NFAM1: variants seen among roughly 807,000 people sequenced by gnomAD.
NFAM1 encodes the protein NFAT activation molecule 1.
Under a neutral mutation model 29.0 loss-of-function variants are expected in NFAM1, and 17 were observed. The observed-to-expected ratio is 0.59, with a 90% confidence interval of 0.40 to 0.88. The LOEUF (loss-of-function observed/expected upper bound fraction) is 0.88, where lower values mean the gene tolerates loss of function less well. NFAM1 is among the 40% of genes least tolerant of loss of function. The pLI, the probability that NFAM1 is intolerant of heterozygous loss-of-function variation, is 0.00. For missense variants in NFAM1, 324 were observed against 344.6 expected, an observed-to-expected ratio of 0.94 and a Z score of 0.47; for synonymous variants, 175 against 147.2, an observed-to-expected ratio of 1.19 and a Z score of -1.36.
chr22:42,414,945 C>G (rs1930206739), intron 1 of NFAM1, among the ~76,000 whole-genome samples: 2 of 152,180 alleles, frequency 1.3e-5, no homozygotes, highest in South Asian at 4.1e-4. Flanking sequence ...CCAGGGAAAT[C>G]TATAAAAACA....
rs556478496 is a variant in NFAM1, at chr22:42,392,759, G to A, written c.663+5099C>T. On this transcript the variant is annotated intron_variant, in intron 4 of 5. Coordinates refer to ENST00000329021, the MANE Select transcript of NFAM1 (RefSeq NM_145912.8). ...TTTGTCTGACCCACCCCGAATTCATGCTTTTAATATGTCAAGTTTTTTCTT... is the reference window on the plus strand; with the variant it reads ...TTTGTCTGACCCACCCCGAATTCATACTTTTAATATGTCAAGTTTTTTCTT... Among the ~76,000 whole-genome samples, 15 of 152,158 alleles carry A rather than the reference G, an allele frequency of 9.9e-5. No homozygotes were observed. In the South Asian group the frequency reaches 2.7e-3, roughly 27 times the overall value.
chr22:42,382,645 C>A lies in NFAM1; in HGVS notation c.*2516G>T, dbSNP rs916107807. The A allele has an allele frequency of 3.3e-5, 5 of 152,710 alleles. No individual in the cohort carries two copies. Among genetic ancestry groups the A allele is most frequent in the African/African-American group, 1.2e-4 (5 of 41,424 alleles). 9.5% of individuals were successfully genotyped at this position (152,710 alleles called of 1,614,324 possible). ...CCTGAAGTTCCCTGCCACCCCTCGC[C>A]CTGTGCCAGCTTGTCTCTGCAGGCT... On this transcript the variant is annotated 3_prime_UTR_variant, in exon 6 of 6. Transcript: ENST00000329021.
chr22:42,395,800 A>G (rs1234645333), intron 4 of NFAM1, among the ~76,000 whole-genome samples: 2 of 149,262 alleles, frequency 1.3e-5, no homozygotes, highest in Non-Finnish European at 3.0e-5. Flanking sequence ...AGAGAATGGC[A>G]TGAACCTGGG....
intron 4 of NFAM1, among the ~76,000 whole-genome samples, chr22:42,391,621 G>A (rs1929345126): frequency 6.6e-6 from 1 of 152,080 alleles, no homozygotes; most frequent in African/African-American, 2.4e-5. Flanking sequence ...ATGAGGAGAC[G>A]TGGGTAAGAG....
intron 4 of NFAM1, 62 bp from the exon 5 acceptor site, chr22:42,387,140 GCA>G: frequency 1.0e-6 from 1 of 978,642 alleles, no homozygotes; most frequent in Non-Finnish European, 1.5e-6. Flanking sequence ...CCTGGCCCCA[GCA>G]GCCAGCCCCC....
intron 4 of NFAM1, 41 bp from the exon 5 acceptor site, chr22:42,387,119 GA>G (rs1403972047): frequency 8.3e-7 from 1 of 1,210,446 alleles, no homozygotes; most frequent in East Asian, 2.6e-5. Flanking sequence ...CAAGTGTGTA[GA>G]GGGGCAGTCC....
At chr22:42,402,831 C>CTTTTTTTTT (rs35045065) in intron 3 of NFAM1, among the ~76,000 whole-genome samples, 2 of 97,122 alleles carry the variant, frequency 2.1e-5, no homozygotes, top group African/African-American at 9.3e-5. Flanking sequence ...TCTGTGCCTT[C>CTTTTTTTTT]TTTTTTTTTT....
chr22:42,391,835 C>T (rs1256825224), intron 4 of NFAM1, among the ~76,000 whole-genome samples: 1 of 151,104 alleles, frequency 6.6e-6, no homozygotes, highest in Non-Finnish European at 1.5e-5. Flanking sequence ...ATCCCAGCTA[C>T]TCAGGAGGCT....
chr22:42,405,543 G>T (rs1000324611), intron 3 of NFAM1, among the ~76,000 whole-genome samples: 1 of 152,222 alleles, frequency 6.6e-6, no homozygotes, highest in Non-Finnish European at 1.5e-5. Context: ...GGCGAGAGTC[G>T]GGGGCGTGCA....
At chr22:42,412,392 C>T (rs932202078) in intron 1 of NFAM1, among the ~76,000 whole-genome samples, 18 of 152,182 alleles carry the variant, frequency 1.2e-4, no homozygotes, top group Admixed American at 1.2e-3. Flanking sequence ...AAAGTGAGAG[C>T]CCCTGTTTTA....
chr22:42,393,036 G>A (rs1275490907), intron 4 of NFAM1, among the ~76,000 whole-genome samples: 1 of 151,972 alleles, frequency 6.6e-6, no homozygotes, highest in Admixed American at 6.6e-5. Flanking sequence ...CTGACCTCAG[G>A]TGACTCACCC....
At chr22:42,408,185 T>C (rs1035449967) in intron 3 of NFAM1, among the ~76,000 whole-genome samples, 23 of 152,152 alleles carry the variant, frequency 1.5e-4, no homozygotes, top group African/African-American at 5.6e-4. Context: ...TGAGCCACCG[T>C]GCTCAGCCTC....
Position 42,409,244 on chromosome 22 carries a change from A to G in NFAM1, c.564+191T>C, listed in dbSNP as rs17003047. Among the ~76,000 whole-genome samples, 4,410 of 152,234 alleles carry G rather than the reference A, an allele frequency of 0.029. 215 individuals are homozygous for G. The highest frequency in any genetic ancestry group is 0.1 in the African/African-American group (4,246 of 41,500). On this transcript the variant is annotated intron_variant, in intron 3 of 5. Transcript: ENST00000329021. This position sits in a 1 kb window ranked among gnomAD's most constrained non-coding sequence, Gnocchi z 4.9. ...GTTTCTTGCAACAAGATCAAAAGGC[A>G]CCCCATGGCAGCACAGGGAGTGGCA...
chr22:42,431,454 G>A (rs974673578), intron 1 of NFAM1, among the ~76,000 whole-genome samples: 16 of 152,132 alleles, frequency 1.1e-4, no homozygotes, highest in Admixed American at 2.0e-4. Flanking sequence ...GCTGCTGCCC[G>A]GCCAAGGAGG....
At chr22:42,397,765 T>C in intron 4 of NFAM1, 93 bp downstream of exon 4, 1 of 755,676 alleles carries the variant, frequency 1.3e-6, no homozygotes, top group Non-Finnish European at 2.4e-6. Flanking sequence ...TCCACACAGC[T>C]GGTACAAGAC....
intron 1 of NFAM1, among the ~76,000 whole-genome samples, chr22:42,413,872 G>C (rs911441689): frequency 6.6e-6 from 1 of 152,142 alleles, no homozygotes; most frequent in Non-Finnish European, 1.5e-5. Context: ...TGGCCAACAT[G>C]GCAAAACCCC....
chr22:42,426,853 G>A (rs898978301), intron 1 of NFAM1, among the ~76,000 whole-genome samples: 4 of 151,934 alleles, frequency 2.6e-5, no homozygotes, highest in African/African-American at 7.3e-5. Context: ...CTGTGCCCTC[G>A]AGCCCTGTCC....
chr22:42,436,162 T>G (rs532180056), upstream of NFAM1, among the ~76,000 whole-genome samples: 41 of 152,322 alleles, frequency 2.7e-4, no homozygotes, highest in Middle Eastern at 0.014. Flanking sequence ...AAGTGGCAGC[T>G]GAGAGGCCTC....
chr22:42,412,906 C>T (rs1930142123), intron 1 of NFAM1, among the ~76,000 whole-genome samples: 1 of 152,192 alleles, frequency 6.6e-6, no homozygotes, highest in African/African-American at 2.4e-5. Context: ...GTAGGAGCCA[C>T]CCCTCCCCCC....
Sources: gnomAD v4.1 joint callset for allele counts (sites outside exome capture counted in the v4.1 genomes callset) on GRCh38, gnomAD v4.1.1 for gene constraint, Gnocchi (gnomAD v3.1) non-coding constraint, MANE v1.5 for transcripts, NCBI Gene and HGNC (gene_info 2026-07-23, HGNC 2026-07-21) for gene names.